FAM83G: variants seen among roughly 807,000 people sequenced by gnomAD.
FAM83G encodes the protein scaffolding CK1 anchoring protein G.
A neutral mutation model predicts 61.5 loss-of-function variants in FAM83G; 38 were observed. The observed-to-expected ratio is 0.62, with a 90% CI of 0.48 to 0.81. The LOEUF (loss-of-function observed/expected upper bound fraction) is 0.81. Ranked by LOEUF, FAM83G falls within the 30% of genes least tolerant of loss-of-function variation. The pLI is 0.00. For missense variants in FAM83G, 989 were observed against 1,133.6 expected, an observed-to-expected ratio of 0.87 and a Z score of 1.83; for synonymous variants, 470 against 476.1, an observed-to-expected ratio of 0.99 and a Z score of 0.17.
rs760377189 is a variant in FAM83G, at chr17:18,978,201, C to T, written c.1465G>A (p.Ala489Thr). The T allele has an allele frequency of 3.2e-6, 5 of 1,558,890 alleles. No homozygotes were observed. The highest frequency in any genetic ancestry group is 3.6e-5 in the Admixed American group (2 of 55,820). ...TCCCCCTGGGGGAGGCCGTTCTCAG[C>T]TGGGACACCGTCCTGGGGGGCACTG... ...EPSAPQDGVPAENGLPQGDPE... is the reference protein window; with the variant it reads ...EPSAPQDGVPTENGLPQGDPE... Residue 489 changes from alanine to threonine, a missense_variant, in exon 5 of 6, where the codon GCT becomes ACT. By Grantham distance (58) the Ala-to-Thr change is moderately conservative. This residue lies in a region of FAM83G where 574 missense variants were observed against 645.1 expected (regional missense o/e 0.89). Transcript: ENST00000388995.
At chr17:18,985,132 C>A (rs1343471219) in intron 3 of FAM83G, among the ~76,000 whole-genome samples, 2 of 152,234 alleles carry the variant, frequency 1.3e-5, no homozygotes, top group Non-Finnish European at 2.9e-5. Flanking sequence ...AGCACTCAGA[C>A]CAGAGCTGCG....
At position 18,969,616 on chromosome 17, in the gene FAM83G, T is replaced by C. The variant is rs1284691867; in HGVS notation, c.*1743A>G. 3.7e-6 allele frequency: 2 copies of C among 544,718 alleles called. No individual in the cohort carries two copies. Among genetic ancestry groups the C allele is most frequent in the Non-Finnish European group, 6.4e-6 (2 of 311,248 alleles). The allele number at this position is 544,718 out of a possible 1,614,324, so 33.7% of individuals were successfully genotyped here. A position where few individuals can be genotyped will look rare whatever the true frequency, so the allele number is the denominator to read the frequency against. Reference sequence around the variant, plus strand: ...GCCCCTCAGGGACTGCCCTGGCTGGTAGAGGCTACCCACCCTGCTGCCCCG... The same window carrying C: ...GCCCCTCAGGGACTGCCCTGGCTGGCAGAGGCTACCCACCCTGCTGCCCCG... On this transcript the variant is annotated 3_prime_UTR_variant, in exon 6 of 6. Transcript: ENST00000388995.
chr17:18,991,597 C>A (rs1329216251), intron 2 of FAM83G, among the ~76,000 whole-genome samples: 1 of 152,220 alleles, frequency 6.6e-6, no homozygotes, highest in Non-Finnish European at 1.5e-5. Flanking sequence ...TGGGTCCCAT[C>A]ACTGAGCTTG....
rs2043809245 is a variant in FAM83G, at chr17:19,004,014, C to T, written c.28G>A (p.Asp10Asn). The change falls in exon 2 of 6, where the codon GAC (aspartate) becomes AAC (asparagine). Residue 10 changes from aspartate (D) to asparagine (N), a missense_variant. Around this residue, in one of 3 missense-constraint regions of FAM83G, gnomAD observed 371 missense variants for 404.5 expected, o/e 0.92. Coordinates refer to ENST00000388995, the MANE Select transcript of FAM83G (RefSeq NM_001039999.3). The surrounding 1 kb of genome is among the most constrained non-coding windows in gnomAD (Gnocchi z 5.4). Reference protein sequence around the residue: MAFSQVQCLDDNHVNWRSSE... With the variant: MAFSQVQCLNDNHVNWRSSE... The stretch of plus-strand genomic sequence containing the variant: ...GAGCGCCAGTTCACATGGTTGTCGT[C>T]CAGACACTGCACCTGAGAGAAGGCC... 6.2e-7 allele frequency: 1 copy of T among 1,608,060 alleles called. No homozygotes were observed. The highest frequency in any genetic ancestry group is 1.3e-5 in the African/African-American group (1 of 74,802).
Position 18,971,233 on chromosome 17 carries a change from C to A in FAM83G, c.*126G>T. The A allele has an allele frequency of 6.2e-7, 1 of 1,613,298 alleles. No homozygotes were observed. On this transcript the variant is annotated 3_prime_UTR_variant, in exon 6 of 6. Transcript: ENST00000388995. This position sits in a 1 kb window ranked among gnomAD's most constrained non-coding sequence, Gnocchi z 5.5. ...GCACCGACCAGGTGAGTGCCAACGT[C>A]TCCCGCCCATCCCACCTTCCTGCCG...
intron 3 of FAM83G, among the ~76,000 whole-genome samples, chr17:18,987,797 A>G: frequency 6.6e-6 from 1 of 152,190 alleles, no homozygotes. Flanking sequence ...AGAATCTAAA[A>G]CCAGTAAATG....
chr17:18,980,248 A>G (rs2043096085), intron 3 of FAM83G, among the ~76,000 whole-genome samples: 1 of 152,132 alleles, frequency 6.6e-6, no homozygotes, highest in Non-Finnish European at 1.5e-5. Context: ...CTCCGAGGAC[A>G]GGACTCACAG....
At chr17:18,974,842 C>T (rs1002857767) in intron 5 of FAM83G, among the ~76,000 whole-genome samples, 2 of 152,174 alleles carry the variant, frequency 1.3e-5, no homozygotes, top group South Asian at 2.1e-4. Flanking sequence ...CAGGGAAGAG[C>T]GCCTGGCTGG....
chr17:18,979,404 G>A, intron 4 of FAM83G, 145 bp downstream of exon 4: 2 of 943,834 alleles, frequency 2.1e-6, no homozygotes, highest in South Asian at 3.6e-5. Context: ...AGACAGACAG[G>A]CGGGCAGATG....
chr17:18,995,106 C>T (rs976097612), intron 2 of FAM83G, among the ~76,000 whole-genome samples: 3 of 151,954 alleles, frequency 2.0e-5, no homozygotes, highest in Non-Finnish European at 4.4e-5. Context: ...CCAACATGCC[C>T]GGTATCCAAT....
intron 2 of FAM83G, among the ~76,000 whole-genome samples, chr17:18,997,654 G>A (rs1211408862): frequency 6.6e-6 from 1 of 152,222 alleles, no homozygotes; most frequent in Non-Finnish European, 1.5e-5. Flanking sequence ...CACCAGGGCA[G>A]GGCTGAGGCT....
chr17:18,980,698 C>G (rs1038646323), intron 3 of FAM83G, among the ~76,000 whole-genome samples: 1 of 152,096 alleles, frequency 6.6e-6, no homozygotes, highest in Non-Finnish European at 1.5e-5. Flanking sequence ...TGGCTGGAAC[C>G]CAAGTGTCGA....
intron 2 of FAM83G, among the ~76,000 whole-genome samples, chr17:18,997,149 T>C (rs1235757999): frequency 1.3e-5 from 2 of 152,244 alleles, no homozygotes; most frequent in Non-Finnish European, 2.9e-5. Flanking sequence ...TGCAGTGGGT[T>C]GGGGTCAAGA....
At chr17:18,984,138 C>A (rs1029826626) in intron 3 of FAM83G, among the ~76,000 whole-genome samples, 3 of 151,972 alleles carry the variant, frequency 2.0e-5, no homozygotes, top group African/African-American at 7.3e-5. Context: ...GTCAGCAGAT[C>A]GAGACCATCC....
intron 5 of FAM83G, chr17:18,977,271 G>T: frequency 1.7e-6 from 1 of 583,956 alleles, no homozygotes; most frequent in Non-Finnish European, 3.0e-6. Flanking sequence ...TAGGGACTGT[G>T]CCACCCATCT....
rs760717670 is a variant in FAM83G at position 18,971,350 on chromosome 17, G to C, written c.*9C>G. ...CTCAGAAGGTGTGGCTCCAGGCTGGGACATGCTGCTAGGGGTCTTTGCGGT... is the reference window on the plus strand; with the variant it reads ...CTCAGAAGGTGTGGCTCCAGGCTGGCACATGCTGCTAGGGGTCTTTGCGGT... On this transcript the variant is annotated 3_prime_UTR_variant, in exon 6 of 6. Transcript: ENST00000388995. The surrounding 1 kb of genome is among the most constrained non-coding windows in gnomAD (Gnocchi z 5.5). 2 of 1,595,078 alleles carry C rather than the reference G, an allele frequency of 1.3e-6. No homozygotes were observed. Among genetic ancestry groups the C allele is most frequent in the South Asian group, 1.1e-5 (1 of 90,052 alleles).
chr17:18,982,328 G>A (rs1179353301), intron 3 of FAM83G, among the ~76,000 whole-genome samples: 2 of 152,188 alleles, frequency 1.3e-5, no homozygotes, highest in African/African-American at 4.8e-5. Flanking sequence ...CCCAGCTTGT[G>A]CCTGGATGGG....
Position 19,002,446 on chromosome 17 carries a change from C to T in FAM83G, c.522+1074G>A, listed in dbSNP as rs575044221. Reference sequence around the variant, plus strand: ...CCCACGAACTTCCCCAAGGCCCTGTCAGTTAGCCAGGATGGTCCCCGAAGC... The same window carrying T: ...CCCACGAACTTCCCCAAGGCCCTGTTAGTTAGCCAGGATGGTCCCCGAAGC... On this transcript the variant is annotated intron_variant, in intron 2 of 5. Coordinates refer to ENST00000388995, the MANE Select transcript of FAM83G (RefSeq NM_001039999.3). Among the ~76,000 whole-genome samples, 55 of 152,318 alleles carry T rather than the reference C, an allele frequency of 3.6e-4. 1 individual carries two copies. Among genetic ancestry groups the T allele is most frequent in the Non-Finnish European group, 6.6e-4 (45 of 68,026 alleles).
chr17:19,004,232 CG>C lies in FAM83G; in HGVS notation c.-128-64del. 1 of 123,186 alleles carries C rather than the reference CG, an allele frequency of 8.1e-6. No homozygotes were observed. Among genetic ancestry groups the C allele is most frequent in the South Asian group, 9.9e-5 (1 of 10,120 alleles). 7.6% of individuals were successfully genotyped at this position (123,186 alleles called of 1,614,324 possible). ...GGGCGGGCCGCGCGGGGAGGGGCGG[CG>C]GGGGCGGGGCCGGGAACTCAGGTGG... On this transcript the variant is annotated intron_variant, in intron 1 of 5. Transcript: ENST00000388995. This position sits in a 1 kb window ranked among gnomAD's most constrained non-coding sequence, Gnocchi z 5.4.
Sources: gnomAD v4.1 joint callset for allele counts (sites outside exome capture counted in the v4.1 genomes callset) on GRCh38, gnomAD v4.1.1 for gene constraint, gnomAD v4.1.1 regional missense constraint, Gnocchi (gnomAD v3.1) non-coding constraint, MANE v1.5 for transcripts, NCBI Gene and HGNC (gene_info 2026-07-23, HGNC 2026-07-21) for gene names.